CDHR2: variants seen among roughly 807,000 people sequenced by gnomAD.
CDHR2 encodes cadherin-related family member 2.
A neutral mutation model predicts 138.6 loss-of-function variants in CDHR2; 104 were observed. The observed-to-expected ratio is 0.75, with a 90% CI of 0.64 to 0.88. The LOEUF (loss-of-function observed/expected upper bound fraction) is 0.88. CDHR2 is among the 40% of genes least tolerant of loss of function. The pLI is 0.00. For missense variants in CDHR2, 1,624 were observed against 1,727.6 expected (o/e 0.94, Z 1.06); for synonymous variants, 755 against 742.8 (o/e 1.02, Z -0.27).
In CDHR2 at chr5:176,584,240, G is replaced by C. The variant is rs755808711; in HGVS notation, c.2109G>C (p.Thr703=). ...PIFNQSSYNF[T]VKEEDPGVLV... is the part of the protein sequence containing the mutation. ...TCAATCAGTCCAGCTACAACTTTACGGTGAAGGAGGAGGATCCAGGTATGT... is the reference window on the plus strand; with the variant it reads ...TCAATCAGTCCAGCTACAACTTTACCGTGAAGGAGGAGGATCCAGGTATGT... The change falls in exon 18 of 32, where the codon ACG becomes ACC. Residue 703 remains threonine (T), a synonymous_variant. Coordinates refer to ENST00000261944, the MANE Select transcript of CDHR2 (RefSeq NM_017675.6). 2 of 1,614,084 alleles carry C rather than the reference G, an allele frequency of 1.2e-6. No homozygotes were observed. The highest frequency in any genetic ancestry group is 4.5e-5 in the East Asian group (2 of 44,870).
chr5:176,592,604 A>G, intron 30 of CDHR2, 119 bp from the exon 31 acceptor site: 1 of 768,590 alleles, frequency 1.3e-6, no homozygotes, highest in Non-Finnish European at 2.3e-6. Context: ...GGTGGTGGTG[A>G]TGGTGATGAT....
At chr5:176,550,417 G>A (rs1002082794) in intron 1 of CDHR2, among the ~76,000 whole-genome samples, 10 of 152,104 alleles carry the variant, frequency 6.6e-5, no homozygotes, top group African/African-American at 1.2e-4. Flanking sequence ...TCCTTGCTCC[G>A]GGCACCCAGG....
At chr5:176,588,827 AG>A (rs371095406) in intron 21 of CDHR2, among the ~76,000 whole-genome samples, 17 of 152,138 alleles carry the variant, frequency 1.1e-4, no homozygotes, top group African/African-American at 3.6e-4. Flanking sequence ...GTTGGGGAAC[AG>A]GGGCAGGTTC....
chr5:176,544,374 C>A (rs1399531445), upstream of CDHR2, among the ~76,000 whole-genome samples: 2 of 14,090 alleles, frequency 1.4e-4, no homozygotes, highest in African/African-American at 1.7e-4. Flanking sequence ...TTCTTTCTTT[C>A]CTTTTTTTCT....
chr5:176,594,571 C>G (rs1163903211), intron 31 of CDHR2, among the ~76,000 whole-genome samples: 1 of 152,228 alleles, frequency 6.6e-6, no homozygotes, highest in East Asian at 1.9e-4. Flanking sequence ...TCTTTGGTCT[C>G]TGGCACCAGG....
intron 16 of CDHR2, among the ~76,000 whole-genome samples, chr5:176,580,166 G>GCACTCACACA (rs1248817178): frequency 6.1e-4 from 55 of 90,300 alleles, no homozygotes; most frequent in Non-Finnish European, 1.2e-3. Context: ...ACTCACACAC[G>GCACTCACACA]CACTCACACA....
intron 16 of CDHR2, among the ~76,000 whole-genome samples, chr5:176,580,247 G>A (rs1009034118): frequency 6.6e-5 from 10 of 152,054 alleles, no homozygotes; most frequent in Non-Finnish European, 1.0e-4. Context: ...TAGCGCTGAC[G>A]GCCGGGCATG....
rs1757766699 is a variant in CDHR2, at chr5:176,553,990, C to T, written c.-16+4576C>T. ...GTCCCTGTCTCACTGAGGACTGTGG[C>T]TCAGCACTGCTGGGGGTTCTGAGGA... On this transcript the variant is annotated intron_variant, in intron 1 of 31. Transcript: ENST00000261944. The surrounding 1 kb of genome is among the most constrained non-coding windows in gnomAD (Gnocchi z 4.3). 6.6e-6 allele frequency among the ~76,000 whole-genome samples: 1 copy of T among 152,240 alleles called. No individual in the cohort carries two copies. Among genetic ancestry groups the T allele is most frequent in the African/African-American group, 2.4e-5 (1 of 41,456 alleles).
chr5:176,549,723 T>C (rs1163050691), intron 1 of CDHR2, among the ~76,000 whole-genome samples: 1 of 152,172 alleles, frequency 6.6e-6, no homozygotes, highest in Non-Finnish European at 1.5e-5. Context: ...ACGAGGTAAC[T>C]GGCCTGACCC....
intron 7 of CDHR2, 45 bp downstream of exon 7, chr5:176,574,217 G>A (rs780238179): frequency 2.1e-6 from 3 of 1,407,224 alleles, no homozygotes; most frequent in Non-Finnish European, 3.0e-6. Flanking sequence ...CCGCCAGGGG[G>A]CAGCATCTCC....
rs993669854 is a variant in CDHR2, at chr5:176,591,401, C to T, written c.3654-3C>T. 15 of 1,613,890 alleles carry T rather than the reference C, an allele frequency of 9.3e-6. No homozygotes were observed. In the African/African-American group the frequency reaches 1.9e-4, roughly 20 times the overall value. On this transcript the variant is annotated splice_polypyrimidine_tract_variant and splice_region_variant and intron_variant, in intron 29 of 31. Coordinates refer to ENST00000261944, the MANE Select transcript of CDHR2 (RefSeq NM_017675.6). ...AGGCAACTTGACCAGGCTTTCTCTC[C>T]AGAGCCAACCCCATGCTGAACCTCC... is the stretch of plus-strand genomic sequence containing the variant.
intron 2 of CDHR2, 124 bp from the exon 3 acceptor site, chr5:176,565,548 A>G (rs1581135407): frequency 8.3e-7 from 1 of 1,205,440 alleles, no homozygotes; most frequent in East Asian, 2.5e-5. Context: ...AGGCCTGGGG[A>G]GGAATCCAGG....
intron 2 of CDHR2, 127 bp downstream of exon 2, chr5:176,565,531 GCTGGGGAGGC>G (rs1156370626): frequency 8.0e-6 from 10 of 1,248,916 alleles, no homozygotes; most frequent in Non-Finnish European, 1.2e-5. Context: ...GCTTGGCTAA[GCTGGGGAGGC>G]CTGGGGAGGA....
At position 176,575,153 on chromosome 5, in the gene CDHR2, G is replaced by A. The variant is rs759190273; in HGVS notation, c.565G>A (p.Gly189Ser). ...GGCCAATGGCTCCATAGTCCTCAATGGCAGCCTCAGCTACAACAACAAGAG... is the reference window on the plus strand; with the variant it reads ...GGCCAATGGCTCCATAGTCCTCAATAGCAGCCTCAGCTACAACAACAAGAG... ...ILANGSIVLN[G>S]SLSYNNKSAF... Residue 189 changes from glycine (G) to serine (S), a missense_variant, in exon 8 of 32, where the codon GGC becomes AGC. Coordinates refer to ENST00000261944, the MANE Select transcript of CDHR2 (RefSeq NM_017675.6). The A allele has an allele frequency of 6.2e-7, 1 of 1,614,170 alleles. No individual in the cohort carries two copies. Among genetic ancestry groups the A allele is most frequent in the South Asian group, 1.1e-5 (1 of 91,084 alleles).
intron 15 of CDHR2, 64 bp downstream of exon 15, chr5:176,578,159 C>G: frequency 6.9e-7 from 1 of 1,449,974 alleles, no homozygotes; most frequent in Non-Finnish European, 9.6e-7. Context: ...CTCTCTGCCT[C>G]TCTGCAGAGA....
At position 176,560,938 on chromosome 5, in the gene CDHR2, G is replaced by A. The variant is rs558182265; in HGVS notation, c.-15-4400G>A. ...TCAGGGCGGGGTGCTGACCATGCCC[G>A]GGAAGCACGTAGCCAGATCAGAACC... On this transcript the variant is annotated intron_variant, in intron 1 of 31. Coordinates refer to ENST00000261944, the MANE Select transcript of CDHR2 (RefSeq NM_017675.6). Among the ~76,000 whole-genome samples the A allele has an allele frequency of 7.9e-5, 12 of 152,176 alleles. No homozygotes were observed. The East Asian group carries it at 9.7e-4, about 12-fold the overall frequency.
chr5:176,558,540 C>T (rs10056365), intron 1 of CDHR2, among the ~76,000 whole-genome samples: 142,417 of 150,906 alleles, frequency 0.94, 67,707 homozygotes, highest in East Asian at 1. Context: ...TGTGCCACCA[C>T]GCCCAGCTAA....
chr5:176,571,194 TG>T lies in CDHR2; in HGVS notation c.316-16del. Reference sequence around the variant, plus strand: ...TTAAATCCTATTTTCTGGGGTCCCCTGGGCTTTCTCACTTGCAGGTGCAGAG... The same window carrying T: ...TTAAATCCTATTTTCTGGGGTCCCCTGGCTTTCTCACTTGCAGGTGCAGAG... On this transcript the variant is annotated intron_variant, in intron 5 of 31. Coordinates refer to ENST00000261944, the MANE Select transcript of CDHR2 (RefSeq NM_017675.6). 6.3e-7 allele frequency: 1 copy of T among 1,583,874 alleles called. No individual in the cohort carries two copies. The highest frequency in any genetic ancestry group is 8.7e-7 in the Non-Finnish European group (1 of 1,154,114).
intron 16 of CDHR2, 34 bp downstream of exon 16, chr5:176,578,642 G>T (rs777878075): frequency 1.9e-6 from 3 of 1,602,238 alleles, no homozygotes; most frequent in East Asian, 2.2e-5. Context: ...GGGTAAGGCT[G>T]GGGGAGGGGA....
Sources: gnomAD v4.1 joint callset for allele counts (sites outside exome capture counted in the v4.1 genomes callset) on GRCh38, gnomAD v4.1.1 for gene constraint, Gnocchi (gnomAD v3.1) non-coding constraint, MANE v1.5 for transcripts, NCBI Gene and HGNC (gene_info 2026-07-23, HGNC 2026-07-21) for gene names.